CCDC102B: variants seen among roughly 807,000 people sequenced by gnomAD.
The protein encoded by CCDC102B is coiled-coil domain-containing protein 102B.
CCDC102B carries 75 observed loss-of-function variants against 57.4 expected under a neutral mutation model. The ratio of observed to expected loss-of-function variants is 1.31; its 90% CI spans 1.08 to 1.58. The LOEUF (loss-of-function observed/expected upper bound fraction) is 1.58, where lower values mean the gene tolerates loss of function less well. Ranked by LOEUF, CCDC102B falls within the 40% of genes most tolerant of loss-of-function variation. The probability of loss-of-function intolerance (pLI) is 0.00; values close to 1 mark genes in which losing one functional copy is unlikely to be tolerated. For missense variants in CCDC102B, 636 were observed against 582.6 expected (o/e 1.09, Z -0.94); for synonymous variants, 206 against 201.9 (o/e 1.02, Z -0.17).
intron 2 of CCDC102B, among the ~76,000 whole-genome samples, chr18:68,748,869 G>T (rs1841896): frequency 6.6e-6 from 1 of 151,958 alleles, no homozygotes; most frequent in Non-Finnish European, 1.5e-5. Flanking sequence ...GAAAAGCATA[G>T]GAGGGAAATG....
chr18:68,818,103 A>G lies in CCDC102B; in HGVS notation c.-15-18646A>G, dbSNP rs192970791. 1.2e-4 allele frequency among the ~76,000 whole-genome samples: 18 copies of G among 152,304 alleles called. No individual in the cohort carries two copies. In the East Asian group the frequency reaches 3.5e-3, roughly 29 times the overall value. On this transcript the variant is annotated intron_variant, in intron 1 of 7. Transcript: ENST00000360242. ...ATTTTACAACAACGTATTGAGACTC[A>G]TTGAGTTTGTGCAAAGTATTTTCTT...
At chr18:68,715,279 G>A in exon 1 of CCDC102B, 3 of 1,283,668 alleles carry the variant, frequency 2.3e-6, no homozygotes, top group Non-Finnish European at 3.0e-6. Flanking sequence ...CTGCTTAAGG[G>A]CTTTACTAGG....
intron 4 of CCDC102B, among the ~76,000 whole-genome samples, chr18:68,846,794 A>C (rs2037887329): frequency 6.6e-6 from 1 of 151,810 alleles, no homozygotes; most frequent in Non-Finnish European, 1.5e-5. Context: ...GGGGATGGTT[A>C]AAGATATCCT....
At chr18:68,885,251 G>A (rs2039841480) in intron 5 of CCDC102B, among the ~76,000 whole-genome samples, 1 of 151,954 alleles carries the variant, frequency 6.6e-6, no homozygotes, top group African/African-American at 2.4e-5. Context: ...AGATAAGGAT[G>A]TAATAAAAAA....
chr18:68,999,958 C>G (rs1325299842), intron 6 of CCDC102B, among the ~76,000 whole-genome samples: 1 of 152,092 alleles, frequency 6.6e-6, no homozygotes, highest in South Asian at 2.1e-4. Context: ...AAAAGGCATT[C>G]ATTTCTTTCC....
At chr18:68,779,974 ATAAAAT>A (rs2034952143) in intron 2 of CCDC102B, among the ~76,000 whole-genome samples, 2 of 152,146 alleles carry the variant, frequency 1.3e-5, no homozygotes, top group Non-Finnish European at 2.9e-5. Context: ...CCAAGATAAA[ATAAAAT>A]TAAGAAAGAA....
chr18:68,881,667 T>G (rs2039697812), intron 5 of CCDC102B, among the ~76,000 whole-genome samples: 5 of 152,126 alleles, frequency 3.3e-5, no homozygotes, highest in Admixed American at 3.3e-4. Flanking sequence ...CTTGATCTGC[T>G]CCAGCCTTTG....
intron 2 of CCDC102B, among the ~76,000 whole-genome samples, chr18:68,720,261 A>G (rs1378691940): frequency 3.3e-5 from 5 of 152,200 alleles, no homozygotes. Context: ...ACACTGATCA[A>G]TCACCAAAAC....
intron 2 of CCDC102B, among the ~76,000 whole-genome samples, chr18:68,788,950 T>C (rs992662912): frequency 3.3e-5 from 5 of 152,210 alleles, no homozygotes; most frequent in African/African-American, 1.2e-4. Context: ...TTTGGCATGA[T>C]TTTGCAGCGG....
intron 6 of CCDC102B, among the ~76,000 whole-genome samples, chr18:68,956,208 T>C (rs1018769836): frequency 6.7e-6 from 1 of 149,634 alleles, no homozygotes; most frequent in African/African-American, 2.5e-5. Flanking sequence ...TTTATGTCCA[T>C]CTGTTTATGG....
At chr18:69,040,608 T>G (rs1411270676) in intron 7 of CCDC102B, among the ~76,000 whole-genome samples, 6 of 152,002 alleles carry the variant, frequency 3.9e-5, no homozygotes, top group Non-Finnish European at 8.8e-5. Context: ...ATTACTTTAG[T>G]GGTATGCATT....
chr18:68,895,677 T>A (rs557952181), intron 5 of CCDC102B, among the ~76,000 whole-genome samples: 1 of 151,978 alleles, frequency 6.6e-6, no homozygotes, highest in African/African-American at 2.4e-5. Flanking sequence ...CTTCTGTCCC[T>A]ACAATACCAC....
intron 6 of CCDC102B, among the ~76,000 whole-genome samples, chr18:68,981,981 A>G (rs1277971438): frequency 6.6e-6 from 1 of 151,916 alleles, no homozygotes; most frequent in African/African-American, 2.4e-5. Flanking sequence ...TAAAAAAATA[A>G]ATAAATAAAT....
At chr18:68,810,325 G>A (rs1004059114) in intron 1 of CCDC102B, among the ~76,000 whole-genome samples, 2 of 151,910 alleles carry the variant, frequency 1.3e-5, no homozygotes, top group Admixed American at 1.3e-4. Flanking sequence ...TTCATATAAT[G>A]TACAGTCATT....
intron 2 of CCDC102B, among the ~76,000 whole-genome samples, chr18:68,743,741 G>A (rs1025738703): frequency 6.6e-6 from 1 of 152,156 alleles, no homozygotes; most frequent in African/African-American, 2.4e-5. Context: ...AAAGTTTGTG[G>A]TCTGAAGACA....
chr18:68,823,558 G>A (rs933779860), intron 1 of CCDC102B: 1 of 152,112 alleles, frequency 6.6e-6, no homozygotes, highest in Non-Finnish European at 1.5e-5. Context: ...TTTCCTTTGG[G>A]TATATACCCA....
intron 6 of CCDC102B, among the ~76,000 whole-genome samples, chr18:68,911,674 C>G (rs1191550797): frequency 7.4e-6 from 1 of 134,452 alleles, no homozygotes; most frequent in East Asian, 2.2e-4. Context: ...ATGGCGTGAA[C>G]CCGGGAGGCG....
rs1489597532 is a variant in CCDC102B at position 68,863,824 on chromosome 18, T to G, written c.937-10845T>G. 2.0e-5 allele frequency among the ~76,000 whole-genome samples: 3 copies of G among 151,988 alleles called. 1 individual carries two copies. The highest frequency in any genetic ancestry group is 2.9e-5 in the Non-Finnish European group (2 of 67,888). On this transcript the variant is annotated intron_variant, in intron 4 of 7. Transcript: ENST00000360242. Reference sequence around the variant, plus strand: ...TACTGATATTCAAAAGCTACCATATTTAGAACTCAGGAACCTCTTTATATT... The same window carrying G: ...TACTGATATTCAAAAGCTACCATATGTAGAACTCAGGAACCTCTTTATATT...
At chr18:68,836,512 G>A (rs903042131) in intron 1 of CCDC102B, among the ~76,000 whole-genome samples, 2 of 151,566 alleles carry the variant, frequency 1.3e-5, no homozygotes, top group African/African-American at 4.8e-5. Context: ...CCTGTAGTCC[G>A]AGCTACTCAG....
Sources: gnomAD v4.1 joint callset for allele counts (sites outside exome capture counted in the v4.1 genomes callset) on GRCh38, gnomAD v4.1.1 for gene constraint, MANE v1.5 for transcripts, NCBI Gene and HGNC (gene_info 2026-07-23, HGNC 2026-07-21) for gene names.